The following SH3PXD2A variants were observed in gnomAD, a reference collection of about 807,000 sequenced individuals.
SH3PXD2A encodes SH3 and PX domain-containing protein 2A.
In SH3PXD2A, 32 loss-of-function variants were observed where a neutral mutation model predicts 115.2. That is an observed-to-expected ratio of 0.28 (90% CI 0.21 to 0.37). The LOEUF is 0.37. Among genes scored for constraint, SH3PXD2A ranks in the 10% least tolerant of loss-of-function variants. SH3PXD2A has a pLI of 1.00. For missense variants in SH3PXD2A, 1,328 were observed against 1,498.7 expected (o/e 0.89, Z 1.88); for synonymous variants, 610 against 629.1 (o/e 0.97, Z 0.45).
intron 1 of SH3PXD2A, among the ~76,000 whole-genome samples, chr10:103,852,804 G>A (rs1842908480): frequency 6.6e-6 from 1 of 152,114 alleles, no homozygotes; most frequent in African/African-American, 2.4e-5. Context: ...TATATACAAT[G>A]CCCCAAATGG....
intron 4 of SH3PXD2A, among the ~76,000 whole-genome samples, chr10:103,727,550 G>A (rs1564874313): frequency 6.6e-6 from 1 of 152,164 alleles, no homozygotes; most frequent in Non-Finnish European, 1.5e-5. Context: ...CGCAGGGCAG[G>A]AGAGGGCGGG....
intron 3 of SH3PXD2A, among the ~76,000 whole-genome samples, chr10:103,760,925 T>G (rs2038693849): frequency 6.6e-6 from 1 of 152,222 alleles, no homozygotes; most frequent in Non-Finnish European, 1.5e-5. Flanking sequence ...TATATGCCTC[T>G]TTTGAATAGA....
chr10:103,760,679 A>C (rs911080075), intron 3 of SH3PXD2A, among the ~76,000 whole-genome samples: 1 of 151,776 alleles, frequency 6.6e-6, no homozygotes, highest in Non-Finnish European at 1.5e-5. Context: ...GGGAAAGATG[A>C]ATACTTTTTT....
rs1190180926 is a variant in SH3PXD2A, at chr10:103,661,112, C to T, written c.475G>A (p.Ala159Thr). The T allele has an allele frequency of 1.2e-6, 2 of 1,612,830 alleles. No homozygotes were observed. The highest frequency in any genetic ancestry group is 8.5e-7 in the Non-Finnish European group (1 of 1,179,388). ...AESPKKDVTG[A>T]DATAEPMILE... ...ATCATGGGCTCGGCGGTGGCGTCGG[C>T]ACCTGGCGAGGGCAGAAAGCACGCG... The change falls in exon 8 of 15, where the codon GCC becomes ACC. Residue 159 changes from alanine (A) to threonine (T), a missense_variant and splice_region_variant. Transcript: ENST00000369774.
chr10:103,683,655 C>G (rs1006582708), intron 6 of SH3PXD2A, among the ~76,000 whole-genome samples: 1 of 152,104 alleles, frequency 6.6e-6, no homozygotes, highest in African/African-American at 2.4e-5. Context: ...AAGTAAGACC[C>G]CATGTTAAAA....
intron 6 of SH3PXD2A, among the ~76,000 whole-genome samples, chr10:103,680,623 C>T (rs939599241): frequency 1.3e-5 from 2 of 152,170 alleles, no homozygotes; most frequent in Non-Finnish European, 2.9e-5. Flanking sequence ...TCTAACATGA[C>T]CCAGTTGTCT....
chr10:103,761,622 G>C (rs2038700514), intron 3 of SH3PXD2A, among the ~76,000 whole-genome samples: 2 of 152,186 alleles, frequency 1.3e-5, no homozygotes, highest in Admixed American at 1.3e-4. Flanking sequence ...CAGGTCACCT[G>C]AGTCCCCGTG....
chr10:103,854,261 C>G (rs1365198665), intron 1 of SH3PXD2A, among the ~76,000 whole-genome samples: 1 of 152,222 alleles, frequency 6.6e-6, no homozygotes, highest in Non-Finnish European at 1.5e-5. Context: ...AACTGCTCCT[C>G]TAAATACCCA....
At chr10:103,681,226 G>T (rs767839579) in intron 6 of SH3PXD2A, among the ~76,000 whole-genome samples, 9 of 30,160 alleles carry the variant, frequency 3.0e-4, no homozygotes, top group South Asian at 1.3e-3. Flanking sequence ...TGTTTCAGGG[G>T]TAAGAGACTT....
chr10:103,818,251 G>A (rs2039344120), intron 1 of SH3PXD2A, among the ~76,000 whole-genome samples: 2 of 152,174 alleles, frequency 1.3e-5, no homozygotes, highest in African/African-American at 2.4e-5. Flanking sequence ...CCTCAGCCCT[G>A]GTGCTCCCTC....
At chr10:103,616,490 A>C (rs1407640440) in intron 11 of SH3PXD2A, among the ~76,000 whole-genome samples, 1 of 152,210 alleles carries the variant, frequency 6.6e-6, no homozygotes, top group African/African-American at 2.4e-5. Context: ...AGTGAAACCC[A>C]CGGGATTGTT....
chr10:103,732,936 C>T (rs988047801), intron 4 of SH3PXD2A, among the ~76,000 whole-genome samples: 1 of 152,168 alleles, frequency 6.6e-6, no homozygotes, highest in African/African-American at 2.4e-5. Flanking sequence ...AAATGCATAG[C>T]TAGGTGGCAG....
intron 3 of SH3PXD2A, among the ~76,000 whole-genome samples, chr10:103,749,175 C>G (rs2038545163): frequency 1.4e-5 from 2 of 144,118 alleles, no homozygotes; most frequent in South Asian, 2.1e-4. Flanking sequence ...CTGCACCCAG[C>G]CTTCCTCACA....
Position 103,597,805 on chromosome 10 carries a change from A to G in SH3PXD2A, c.*4011T>C, listed in dbSNP as rs1403985040. On this transcript the variant is annotated 3_prime_UTR_variant, in exon 15 of 15. Coordinates refer to ENST00000369774, the MANE Select transcript of SH3PXD2A (RefSeq NM_001394015.1). ...CCATTTTTGATTGAGAATGCAAGGT[A>G]TTTGGAGGGGTAGGGGAAGTGAGTA... 1 of 152,624 alleles carries G rather than the reference A, an allele frequency of 6.6e-6. No individual in the cohort carries two copies. Among genetic ancestry groups the G allele is most frequent in the African/African-American group, 2.4e-5 (1 of 41,452 alleles). The allele number at this position is 152,624 out of a possible 1,614,324, so 9.5% of individuals were successfully genotyped here.
In SH3PXD2A at chr10:103,603,273, A is replaced by G. The variant is rs530029154; in HGVS notation, c.1945T>C (p.Ser649Pro). The change falls in exon 15 of 15, where the codon TCG (serine) becomes CCG (proline). Residue 649 changes from serine to proline, a missense_variant. Physicochemically the swap from Ser to Pro is moderately conservative, Grantham distance 74 (BLOSUM62 -1). Around this residue, in one of 5 missense-constraint regions of SH3PXD2A, gnomAD observed 574 missense variants for 565.7 expected, o/e 1.01. Coordinates refer to ENST00000369774, the MANE Select transcript of SH3PXD2A (RefSeq NM_001394015.1). Reference sequence around the variant, plus strand: ...GAGTTTTTCCTGGTCAGGGACAGCGAGGAGCTGCCTGGGGAGTCGCTGTCC... The same window carrying G: ...GAGTTTTTCCTGGTCAGGGACAGCGGGGAGCTGCCTGGGGAGTCGCTGTCC... ...SGDSDSPGSS[S>P]LSLTRKNSPK... The G allele has an allele frequency of 5.0e-6, 8 of 1,613,762 alleles. No homozygotes were observed. Among genetic ancestry groups the G allele is most frequent in the Non-Finnish European group, 6.8e-6 (8 of 1,179,994 alleles).
intron 1 of SH3PXD2A, among the ~76,000 whole-genome samples, chr10:103,822,348 G>A (rs917173140): frequency 1.3e-5 from 2 of 152,180 alleles, no homozygotes; most frequent in African/African-American, 4.8e-5. Flanking sequence ...GCAAAGACAG[G>A]GTGCTTCCTA....
chr10:103,836,247 C>A (rs1312605868), intron 1 of SH3PXD2A, among the ~76,000 whole-genome samples: 1 of 152,084 alleles, frequency 6.6e-6, no homozygotes, highest in African/African-American at 2.4e-5. Context: ...CTAGCCTGAT[C>A]ATAGGGGGCT....
chr10:103,764,371 G>A (rs945695628), intron 3 of SH3PXD2A, among the ~76,000 whole-genome samples: 2 of 152,166 alleles, frequency 1.3e-5, no homozygotes, highest in African/African-American at 4.8e-5. Flanking sequence ...AAGTCCTGGA[G>A]AGTGAGTGAG....
At chr10:103,838,714 C>A (rs1238315282) in intron 1 of SH3PXD2A, among the ~76,000 whole-genome samples, 1 of 152,180 alleles carries the variant, frequency 6.6e-6, no homozygotes, top group African/African-American at 2.4e-5. Flanking sequence ...TGTAACAGCT[C>A]GGTCCTAAGT....
Sources: allele counts gnomAD v4.1 joint callset (sites outside exome capture counted in the v4.1 genomes callset), GRCh38; gene constraint gnomAD v4.1.1; regional missense constraint gnomAD v4.1.1; transcripts MANE v1.5; gene names NCBI Gene and HGNC (gene_info 2026-07-23, HGNC 2026-07-21).